The following MYT1L variants were observed in gnomAD, a reference collection of about 807,000 sequenced individuals.
The protein encoded by MYT1L is myelin transcription factor 1 like.
Under a neutral mutation model 126.7 loss-of-function variants are expected in MYT1L, and 12 were observed. That is an observed-to-expected ratio of 0.09 (90% CI 0.06 to 0.15). The LOEUF (loss-of-function observed/expected upper bound fraction) is 0.15, where lower values mean the gene tolerates loss of function less well. Among genes scored for constraint, MYT1L ranks in the 10% least tolerant of loss-of-function variants. The probability of loss-of-function intolerance (pLI) is 1.00; values close to 1 mark genes in which losing one functional copy is unlikely to be tolerated. For missense variants in MYT1L, 979 were observed against 1,585.2 expected (o/e 0.62, Z 6.49); for synonymous variants, 541 against 604.2 (o/e 0.90, Z 1.53).
chr2:1,892,204 C>T lies in MYT1L; in HGVS notation c.2116G>A (p.Gly706Ser). 2 of 1,549,694 alleles carry T rather than the reference C, an allele frequency of 1.3e-6. No homozygotes were observed. Among genetic ancestry groups the T allele is most frequent in the Non-Finnish European group, 1.7e-6 (2 of 1,146,164 alleles). ...APSSSSNLSC[G>S]GGSSASSTCS... The stretch of plus-strand genomic sequence containing the variant: ...GTGCTGCTGGCGCTGCTGCCCCCGC[C>T]GCAGCTCAGGTTGCTGCTGCTGCTG... The change falls in exon 15 of 25, where the codon GGC becomes AGC. Residue 706 changes from glycine (G) to serine (S), a missense_variant. Around this residue, in one of 12 missense-constraint regions of MYT1L, gnomAD observed 57 missense variants for 60.3 expected, o/e 0.94. Coordinates refer to ENST00000647738, the MANE Select transcript of MYT1L (RefSeq NM_001303052.2).
At chr2:1,946,050 C>T (rs938060376) in intron 8 of MYT1L, among the ~76,000 whole-genome samples, 28 of 152,174 alleles carry the variant, frequency 1.8e-4, no homozygotes, top group African/African-American at 6.8e-4. Flanking sequence ...CAGCTGCTCC[C>T]TATTGCTCGC....
At chr2:2,214,441 C>G (rs961408198) in intron 2 of MYT1L, among the ~76,000 whole-genome samples, 1 of 151,538 alleles carries the variant, frequency 6.6e-6, no homozygotes, top group Non-Finnish European at 1.5e-5. Flanking sequence ...TTTCTCGAAA[C>G]CAGCGACAAA....
chr2:2,127,560 C>T (rs2081872496), intron 3 of MYT1L, among the ~76,000 whole-genome samples: 2 of 152,292 alleles, frequency 1.3e-5, no homozygotes, highest in Middle Eastern at 3.4e-3. Flanking sequence ...CAGAATGTTC[C>T]CCTACACCCC....
At chr2:2,281,691 G>T (rs2095448708) in intron 2 of MYT1L, among the ~76,000 whole-genome samples, 1 of 152,120 alleles carries the variant, frequency 6.6e-6, no homozygotes, top group South Asian at 2.1e-4. Context: ...ATAGAACCTA[G>T]AACATGTTCT....
At chr2:1,831,796 C>T (rs1400319918) in intron 21 of MYT1L, among the ~76,000 whole-genome samples, 1 of 152,158 alleles carries the variant, frequency 6.6e-6, no homozygotes, top group Non-Finnish European at 1.5e-5. Flanking sequence ...TCTCCGCCTC[C>T]ACCTGTCACA....
At chr2:1,807,410 C>G (rs868056893) in intron 22 of MYT1L, among the ~76,000 whole-genome samples, 2 of 152,070 alleles carry the variant, frequency 1.3e-5, no homozygotes, top group Non-Finnish European at 2.9e-5. Flanking sequence ...GTGGCTCACT[C>G]TTGGTGGATT....
chr2:2,182,290 C>T (rs2091622783), intron 2 of MYT1L, among the ~76,000 whole-genome samples: 1 of 152,148 alleles, frequency 6.6e-6, no homozygotes, highest in African/African-American at 2.4e-5. Flanking sequence ...AGTACCCATG[C>T]CAATCGCTGA....
intron 19 of MYT1L, among the ~76,000 whole-genome samples, chr2:1,847,616 C>T (rs377190146): frequency 3.3e-5 from 5 of 151,490 alleles, no homozygotes; most frequent in Non-Finnish European, 5.9e-5. Context: ...CCTGGGGGGT[C>T]GGAAAAAAGA....
chr2:2,058,069 G>T (rs1441042079), intron 3 of MYT1L, among the ~76,000 whole-genome samples: 2 of 152,170 alleles, frequency 1.3e-5, no homozygotes, highest in South Asian at 2.1e-4. Flanking sequence ...ATGTACCAGT[G>T]ATTCAGTTTC....
At position 1,912,987 on chromosome 2, in the gene MYT1L, C is replaced by T. The variant is rs1415797438; in HGVS notation, c.1619-877G>A. On this transcript the variant is annotated intron_variant, in intron 11 of 24. Transcript: ENST00000647738. This position sits in a 1 kb window ranked among gnomAD's most constrained non-coding sequence, Gnocchi z 4.3. ...CTGCATCATGCTCTGCTCCTCTGAG[C>T]CCGCTGTCTCCAAACTCCAGGGGAA... Among the ~76,000 whole-genome samples the T allele has an allele frequency of 6.6e-6, 1 of 152,214 alleles. No individual in the cohort carries two copies. Among genetic ancestry groups the T allele is most frequent in the African/African-American group, 2.4e-5 (1 of 41,458 alleles).
intron 1 of MYT1L, among the ~76,000 whole-genome samples, chr2:2,294,739 G>A (rs1168498085): frequency 1.3e-5 from 2 of 152,264 alleles, no homozygotes; most frequent in East Asian, 3.9e-4. Flanking sequence ...AAGTGTCAGC[G>A]GATGCTCATT....
At chr2:2,090,260 G>A (rs571649490) in intron 3 of MYT1L, among the ~76,000 whole-genome samples, 4 of 152,096 alleles carry the variant, frequency 2.6e-5, no homozygotes, top group Non-Finnish European at 5.9e-5. Context: ...GTTTAATACA[G>A]GCATACCTCA....
intron 3 of MYT1L, among the ~76,000 whole-genome samples, chr2:2,153,132 T>C (rs2086092278): frequency 6.6e-6 from 1 of 152,168 alleles, no homozygotes; most frequent in Non-Finnish European, 1.5e-5. Context: ...TCCCTGTCTG[T>C]ACTAAAGATT....
chr2:1,853,641 A>G (rs889659927), intron 18 of MYT1L, among the ~76,000 whole-genome samples: 1 of 152,356 alleles, frequency 6.6e-6, no homozygotes, highest in Admixed American at 6.5e-5. Context: ...AATTTTTCCT[A>G]CCAGCCACCA....
chr2:1,890,366 C>A (rs976131818), intron 15 of MYT1L, among the ~76,000 whole-genome samples: 1 of 152,118 alleles, frequency 6.6e-6, no homozygotes, highest in Non-Finnish European at 1.5e-5. Context: ...AGCCACTGCG[C>A]CTGGCTGTAA....
rs143590574 is a variant in MYT1L, at chr2:2,080,142, G to C, written c.-303-26019C>G. On this transcript the variant is annotated intron_variant, in intron 3 of 24. Coordinates refer to ENST00000647738, the MANE Select transcript of MYT1L (RefSeq NM_001303052.2). ...ACATACAAATGAATAAAGTTGGACA[G>C]GTATCACACCATATACAAACATGGA... Among the ~76,000 whole-genome samples the C allele has an allele frequency of 2.0e-3, 297 of 152,258 alleles. 8 individuals are homozygous for C. The highest frequency in any genetic ancestry group is 9.7e-4 in the East Asian group (5 of 5,174).
In MYT1L at chr2:2,228,100, C is replaced by T. The variant is rs2094060352; in HGVS notation, c.-420-55112G>A. Among the ~76,000 whole-genome samples the T allele has an allele frequency of 6.6e-6, 1 of 152,116 alleles. No individual in the cohort carries two copies. Among genetic ancestry groups the T allele is most frequent in the South Asian group, 2.1e-4 (1 of 4,826 alleles). On this transcript the variant is annotated intron_variant, in intron 2 of 24. Transcript: ENST00000647738. The surrounding 1 kb of genome is among the most constrained non-coding windows in gnomAD (Gnocchi z 5.9). ...AATATAAGTTTGTTGATGTTCAGAC[C>T]ATGTATATCTCTATGCAAGGATTAC...
At chr2:2,266,387 A>G (rs1054150558) in intron 2 of MYT1L, among the ~76,000 whole-genome samples, 1 of 152,080 alleles carries the variant, frequency 6.6e-6, no homozygotes, top group Admixed American at 6.5e-5. Context: ...CTCAATATTC[A>G]CACAAACTGT....
intron 2 of MYT1L, among the ~76,000 whole-genome samples, chr2:2,200,687 G>A (rs1450463129): frequency 6.6e-6 from 1 of 152,338 alleles, no homozygotes; most frequent in East Asian, 1.9e-4. Context: ...GAGTTGAGGA[G>A]GAAAGTCTGA....
Sources: gnomAD v4.1 joint callset for allele counts (sites outside exome capture counted in the v4.1 genomes callset) on GRCh38, gnomAD v4.1.1 for gene constraint, gnomAD v4.1.1 regional missense constraint, Gnocchi (gnomAD v3.1) non-coding constraint, MANE v1.5 for transcripts, NCBI Gene and HGNC (gene_info 2026-07-23, HGNC 2026-07-21) for gene names.